Variants in TOM1L2 observed in about 807,000 individuals in gnomAD.
TOM1L2 encodes the protein TOM1-like protein 2.
In TOM1L2, 31 loss-of-function variants were observed where a neutral mutation model predicts 67.9. The observed-to-expected ratio is 0.46, with a 90% CI of 0.34 to 0.62. TOM1L2 has a LOEUF of 0.62. Among genes scored for constraint, TOM1L2 ranks in the 20% least tolerant of loss-of-function variants. The pLI is 0.01. For synonymous variants in TOM1L2, 256 were observed against 254.0 expected (o/e 1.01, Z -0.07); for missense variants, 606 against 663.5 (o/e 0.91, Z 0.95).
intron 10 of TOM1L2, among the ~76,000 whole-genome samples, chr17:17,865,898 T>C (rs1325257120): frequency 2.6e-5 from 4 of 151,534 alleles, no homozygotes; most frequent in Non-Finnish European, 5.9e-5. Context: ...GTGCCCACCA[T>C]GCGCAGCTAA....
chr17:17,907,309 GTGT>G, intron 2 of TOM1L2, 135 bp downstream of exon 2: 1 of 690,104 alleles, frequency 1.4e-6, no homozygotes, highest in East Asian at 2.8e-5. Context: ...ATAATTCAGA[GTGT>G]CAGCTTATTC....
At chr17:17,970,993 AG>A (rs2042051210) in intron 1 of TOM1L2, among the ~76,000 whole-genome samples, 1 of 152,174 alleles carries the variant, frequency 6.6e-6, no homozygotes, top group Admixed American at 6.5e-5. Flanking sequence ...TTTCTTAGTA[AG>A]GAAGTCCCAT....
At chr17:17,935,337 A>G (rs549219907) in intron 1 of TOM1L2, among the ~76,000 whole-genome samples, 35 of 152,356 alleles carry the variant, frequency 2.3e-4, no homozygotes, top group African/African-American at 8.2e-4. Flanking sequence ...TTGGCAAATA[A>G]CAGCCTTAGC....
At chr17:17,872,840 C>T (rs2037220581) in intron 7 of TOM1L2, among the ~76,000 whole-genome samples, 1 of 152,232 alleles carries the variant, frequency 6.6e-6, no homozygotes, top group Non-Finnish European at 1.5e-5. Context: ...GCAGCAAGCC[C>T]TGGCTGTCCT....
intron 12 of TOM1L2, among the ~76,000 whole-genome samples, chr17:17,856,283 A>G (rs1236347707): frequency 6.6e-6 from 1 of 152,276 alleles, no homozygotes; most frequent in African/African-American, 2.4e-5. Context: ...TCCCTGAAGA[A>G]GCAAATGAGA....
intron 1 of TOM1L2, among the ~76,000 whole-genome samples, chr17:17,924,240 T>G (rs937864625): frequency 2.0e-5 from 3 of 152,092 alleles, no homozygotes; most frequent in African/African-American, 7.2e-5. Flanking sequence ...AATAGATTAG[T>G]GATTGCCTGG....
chr17:17,881,927 T>C (rs965227660), intron 6 of TOM1L2, among the ~76,000 whole-genome samples: 2 of 152,226 alleles, frequency 1.3e-5, no homozygotes, highest in African/African-American at 2.4e-5. Context: ...TCGCAAATAG[T>C]AAATAAGGAT....
chr17:17,902,785 C>A (rs748348493), intron 2 of TOM1L2, among the ~76,000 whole-genome samples: 1 of 152,168 alleles, frequency 6.6e-6, no homozygotes, highest in Non-Finnish European at 1.5e-5. Flanking sequence ...ATAGTACATC[C>A]ACATAGATAT....
chr17:17,939,717 A>G (rs565294559), intron 1 of TOM1L2, among the ~76,000 whole-genome samples: 1 of 152,368 alleles, frequency 6.6e-6, no homozygotes. Flanking sequence ...AAATTTGAAG[A>G]TAAAATTGAC....
At chr17:17,917,917 T>C (rs1309196754) in intron 1 of TOM1L2, among the ~76,000 whole-genome samples, 3 of 152,136 alleles carry the variant, frequency 2.0e-5, no homozygotes, top group African/African-American at 7.2e-5. Flanking sequence ...ATTGAGCCAC[T>C]GCACTCCAAC....
rs745464985 is a variant in TOM1L2, at chr17:17,879,547, T to C, written c.777+80A>G. ...CTGGACCTGTCCCGCCTTGCCGCTG[T>C]GTCCCCGGGTGGGATCCTCCAACAG... On this transcript the variant is annotated intron_variant, in intron 7 of 14. Coordinates refer to ENST00000379504, the MANE Select transcript of TOM1L2 (RefSeq NM_001082968.2). 42 of 1,136,960 alleles carry C rather than the reference T, an allele frequency of 3.7e-5. No homozygotes were observed. In the Middle Eastern group the frequency reaches 1.4e-3, roughly 37 times the overall value. 70.4% of individuals were successfully genotyped at this position (1,136,960 alleles called of 1,614,324 possible). A position where few individuals can be genotyped will look rare whatever the true frequency, so the allele number is the denominator to read the frequency against.
At chr17:17,855,548 C>T (rs536118544) in intron 12 of TOM1L2, among the ~76,000 whole-genome samples, 2 of 152,312 alleles carry the variant, frequency 1.3e-5, no homozygotes, top group African/African-American at 2.4e-5. Context: ...GAGAGCCGCC[C>T]GGCCCTAGCC....
chr17:17,962,439 A>C (rs1396516711), intron 1 of TOM1L2, among the ~76,000 whole-genome samples: 1 of 151,772 alleles, frequency 6.6e-6, no homozygotes, highest in Non-Finnish European at 1.5e-5. Context: ...CAGCCTCCCG[A>C]GTACCTGGGA....
chr17:17,968,770 C>A (rs1015449473), intron 1 of TOM1L2, among the ~76,000 whole-genome samples: 1 of 152,108 alleles, frequency 6.6e-6, no homozygotes, highest in Non-Finnish European at 1.5e-5. Context: ...GCCACCTCTG[C>A]TCCATTCAGA....
chr17:17,960,568 G>A (rs900954512), intron 1 of TOM1L2, among the ~76,000 whole-genome samples: 4 of 152,078 alleles, frequency 2.6e-5, no homozygotes, highest in African/African-American at 9.7e-5. Flanking sequence ...GAACTCCTGA[G>A]CTCAAGTGAT....
intron 1 of TOM1L2, among the ~76,000 whole-genome samples, chr17:17,938,054 C>A (rs1371539205): frequency 6.6e-6 from 1 of 152,230 alleles, no homozygotes; most frequent in Non-Finnish European, 1.5e-5. Flanking sequence ...CTCTCCAGAA[C>A]ACAATGCCAC....
At chr17:17,869,597 C>G (rs542792668) in intron 7 of TOM1L2, 124 bp from the exon 8 acceptor site, 1 of 1,419,586 alleles carries the variant, frequency 7.0e-7, no homozygotes, top group South Asian at 1.6e-5. Flanking sequence ...GTTCATAAAA[C>G]CAGACATGTG....
intron 1 of TOM1L2, among the ~76,000 whole-genome samples, chr17:17,925,007 G>A (rs1755763796): frequency 6.6e-6 from 1 of 152,136 alleles, no homozygotes; most frequent in Admixed American, 6.6e-5. Context: ...TTAAAAGTGT[G>A]TGGCACTCCC....
intron 7 of TOM1L2, among the ~76,000 whole-genome samples, chr17:17,877,913 CA>C (rs991483557): frequency 2.6e-5 from 4 of 151,980 alleles, no homozygotes; most frequent in Non-Finnish European, 4.4e-5. Context: ...CCTCTCCCCC[CA>C]AAACACGAAG....
Sources: gnomAD v4.1 joint callset for allele counts (sites outside exome capture counted in the v4.1 genomes callset) on GRCh38, gnomAD v4.1.1 for gene constraint, MANE v1.5 for transcripts, NCBI Gene and HGNC (gene_info 2026-07-23, HGNC 2026-07-21) for gene names.